KLF8: variants seen among roughly 807,000 people sequenced by gnomAD.
KLF8 encodes KLF transcription factor 8, also known as Krueppel-like factor 8.
Under a neutral mutation model 18.2 loss-of-function variants are expected in KLF8, and 10 were observed. The ratio of observed to expected loss-of-function variants is 0.55; its 90% CI spans 0.34 to 0.93. KLF8 has a LOEUF of 0.93. Ranked by LOEUF, KLF8 falls within the 40% of genes least tolerant of loss-of-function variation. KLF8 has a pLI of 0.02. For missense variants in KLF8, 264 were observed against 277.9 expected (o/e 0.95, Z 0.36); for synonymous variants, 109 against 97.3 (o/e 1.12, Z -0.71).
At chrX:56,142,196 C>T in the KLF8 span, among the ~76,000 whole-genome samples, 1 of 111,430 alleles carries the variant, frequency 9.0e-6, no homozygotes, top group Non-Finnish European at 1.9e-5. Flanking sequence ...GGATTTTATC[C>T]CTACCATTTC....
chrX:56,110,516 ATAAT>A, the KLF8 span, among the ~76,000 whole-genome samples: 1 of 111,952 alleles, frequency 8.9e-6, no homozygotes, highest in Non-Finnish European at 1.9e-5. Context: ...TCTGTAAGTC[ATAAT>A]TTATTTGTTT....
chrX:56,192,976 A>G, the KLF8 span, among the ~76,000 whole-genome samples: 10 of 112,527 alleles, frequency 8.9e-5, no homozygotes, highest in Admixed American at 1.9e-4. Flanking sequence ...AAATGGGATC[A>G]CATGAAGTTA....
the KLF8 span, among the ~76,000 whole-genome samples, chrX:56,100,837 C>A: frequency 8.9e-6 from 1 of 112,224 alleles, no homozygotes. Flanking sequence ...AAAGTACTTT[C>A]ATTTTTTAAG....
chrX:56,130,532 A>G, the KLF8 span, among the ~76,000 whole-genome samples: 1 of 111,755 alleles, frequency 8.9e-6, no homozygotes, highest in African/African-American at 3.3e-5. Flanking sequence ...TCGCTCTGAC[A>G]TAGCCTACCC....
At chrX:56,064,138 C>CAT in the KLF8 span, among the ~76,000 whole-genome samples, 2 of 101,184 alleles carry the variant, frequency 2.0e-5, no homozygotes, top group East Asian at 5.9e-4. Context: ...TATGTATATA[C>CAT]ATATATATGT....
At chrX:55,956,010 T>C in the KLF8 span, among the ~76,000 whole-genome samples, 24,060 of 110,582 alleles carry the variant, frequency 0.22, 5,436 homozygotes, top group African/African-American at 0.69. Flanking sequence ...CCAGTTTCAA[T>C]AGTTCCCACT....
At chrX:56,036,799 T>C in the KLF8 span, among the ~76,000 whole-genome samples, 1 of 112,030 alleles carries the variant, frequency 8.9e-6, no homozygotes, top group Non-Finnish European at 1.9e-5. Flanking sequence ...ATAAATTTTC[T>C]GATTCATAAG....
the KLF8 span, among the ~76,000 whole-genome samples, chrX:56,112,510 G>A: frequency 1.8e-5 from 2 of 111,818 alleles, no homozygotes; most frequent in Non-Finnish European, 3.8e-5. Flanking sequence ...AAACAAATTG[G>A]TATTTTTTGG....
At chrX:56,184,558 G>A in the KLF8 span, among the ~76,000 whole-genome samples, 2 of 112,213 alleles carry the variant, frequency 1.8e-5, no homozygotes, top group African/African-American at 3.2e-5. Context: ...CAGAGAATGG[G>A]CAGACTGCCT....
chrX:55,943,332 T>G, the KLF8 span, among the ~76,000 whole-genome samples: 2 of 110,367 alleles, frequency 1.8e-5, no homozygotes, highest in African/African-American at 6.6e-5. Flanking sequence ...AACAACACGG[T>G]ACTAGATTAG....
chrX:56,035,560 G>A, the KLF8 span, among the ~76,000 whole-genome samples: 1 of 111,858 alleles, frequency 8.9e-6, no homozygotes, highest in Admixed American at 9.5e-5. Flanking sequence ...CATTATAGTG[G>A]TACTAAGTTA....
chrX:56,179,723 G>T, the KLF8 span, among the ~76,000 whole-genome samples: 1 of 111,485 alleles, frequency 9.0e-6, no homozygotes, highest in Non-Finnish European at 1.9e-5. Flanking sequence ...TTTGTCAAAG[G>T]CCTTTATTGC....
chrX:56,155,356 G>C, the KLF8 span, among the ~76,000 whole-genome samples: 2 of 110,916 alleles, frequency 1.8e-5, no homozygotes, highest in African/African-American at 6.6e-5. Context: ...ATCGCAAGGA[G>C]AAAAAACCAA....
At chrX:56,168,984 A>G in the KLF8 span, among the ~76,000 whole-genome samples, 245 of 111,759 alleles carry the variant, frequency 2.2e-3, 1 homozygote, top group African/African-American at 7.7e-3. Flanking sequence ...AGCTCTAGTA[A>G]CAAAATAGTA....
At chrX:56,237,751 G>C (rs2066495288) in intron 1 of KLF8, among the ~76,000 whole-genome samples, 1 of 111,975 alleles carries the variant, frequency 8.9e-6, no homozygotes, top group Non-Finnish European at 1.9e-5. Flanking sequence ...CATTGACTGA[G>C]TGGCTTAAAC....
At chrX:56,150,659 A>G in the KLF8 span, among the ~76,000 whole-genome samples, 4 of 110,508 alleles carry the variant, frequency 3.6e-5, no homozygotes, top group African/African-American at 6.6e-5. Context: ...TTTGGTTTCC[A>G]TTACACAACC....
chrX:56,081,878 T>A, the KLF8 span, among the ~76,000 whole-genome samples: 1 of 111,993 alleles, frequency 8.9e-6, no homozygotes, highest in African/African-American at 3.2e-5. Flanking sequence ...TACTGAGGAT[T>A]TTTGCATCAA....
At chrX:56,113,407 G>C in the KLF8 span, among the ~76,000 whole-genome samples, 1 of 109,455 alleles carries the variant, frequency 9.1e-6, no homozygotes, top group Non-Finnish European at 1.9e-5. Flanking sequence ...TAGGTTTGCT[G>C]TTGGTGCTTG....
the KLF8 span, among the ~76,000 whole-genome samples, chrX:55,927,925 C>T: frequency 2.7e-5 from 3 of 112,001 alleles, no homozygotes; most frequent in Non-Finnish European, 5.6e-5. Context: ...AACTATGATA[C>T]ATTTGTCAAA....
Sources: allele counts gnomAD v4.1 joint callset (sites outside exome capture counted in the v4.1 genomes callset), GRCh38; gene constraint gnomAD v4.1.1; transcripts MANE v1.5; gene names NCBI Gene and HGNC (gene_info 2026-07-23, HGNC 2026-07-21).